CDH12: variants seen among roughly 807,000 people sequenced by gnomAD.
CDH12 encodes the protein cadherin-12.
In CDH12, 41 loss-of-function variants were observed where a neutral mutation model predicts 74.1. The ratio of observed to expected loss-of-function variants is 0.55; its 90% CI spans 0.43 to 0.72. The LOEUF (loss-of-function observed/expected upper bound fraction) is 0.72, where lower values mean the gene tolerates loss of function less well. CDH12 is among the 30% of genes least tolerant of loss of function. CDH12 has a pLI of 0.00. For missense variants in CDH12, 945 were observed against 977.2 expected (o/e 0.97, Z 0.44); for synonymous variants, 399 against 355.0 (o/e 1.12, Z -1.39).
intron 5 of CDH12, among the ~76,000 whole-genome samples, chr5:22,047,135 C>G (rs1413426163): frequency 1.3e-5 from 2 of 152,112 alleles, no homozygotes; most frequent in African/African-American, 4.8e-5. Context: ...CAGAGGTTAT[C>G]CTTGTCTATG....
intron 5 of CDH12, among the ~76,000 whole-genome samples, chr5:22,034,325 G>T (rs1282339029): frequency 6.6e-6 from 1 of 152,172 alleles, no homozygotes; most frequent in Non-Finnish European, 1.5e-5. Context: ...GTGAACCACT[G>T]CACCCAGTCT....
chr5:22,575,933 AG>A (rs968141857), intron 1 of CDH12, among the ~76,000 whole-genome samples: 3 of 151,848 alleles, frequency 2.0e-5, no homozygotes, highest in Non-Finnish European at 2.9e-5. Context: ...GGGTTTCTAC[AG>A]GCTGGTCTGA....
intron 4 of CDH12, among the ~76,000 whole-genome samples, chr5:22,208,626 C>A (rs1751359865): frequency 6.6e-6 from 1 of 152,172 alleles, no homozygotes; most frequent in Non-Finnish European, 1.5e-5. Context: ...TCACACAGAA[C>A]ATTTTTATTG....
At chr5:22,402,006 C>A (rs142793160) in intron 3 of CDH12, among the ~76,000 whole-genome samples, 3 of 152,174 alleles carry the variant, frequency 2.0e-5, no homozygotes, top group Admixed American at 2.0e-4. Context: ...TTCATTTTGG[C>A]CTTCTGGCCT....
intron 1 of CDH12, among the ~76,000 whole-genome samples, chr5:22,742,376 G>A (rs1254270302): frequency 6.6e-6 from 1 of 152,100 alleles, no homozygotes; most frequent in Non-Finnish European, 1.5e-5. Flanking sequence ...AAAACCAAGG[G>A]AGAATAGCAA....
chr5:22,145,687 G>A (rs528302504), intron 4 of CDH12, among the ~76,000 whole-genome samples: 1 of 152,242 alleles, frequency 6.6e-6, no homozygotes, highest in African/African-American at 2.4e-5. Flanking sequence ...ATTCAGTTAA[G>A]TATTTCATCT....
intron 6 of CDH12, among the ~76,000 whole-genome samples, chr5:21,916,770 G>A (rs1373169895): frequency 6.6e-6 from 1 of 152,154 alleles, no homozygotes; most frequent in East Asian, 1.9e-4. Flanking sequence ...CTAACACAGA[G>A]TCCAAGGAAT....
At chr5:22,714,158 C>T (rs1743444268) in intron 1 of CDH12, among the ~76,000 whole-genome samples, 1 of 152,184 alleles carries the variant, frequency 6.6e-6, no homozygotes, top group South Asian at 2.1e-4. Context: ...AGCAAAATTG[C>T]TTCTCCTCTT....
intron 1 of CDH12, among the ~76,000 whole-genome samples, chr5:22,572,368 G>T (rs985382752): frequency 1.3e-5 from 2 of 152,038 alleles, no homozygotes; most frequent in African/African-American, 4.8e-5. Context: ...AAATTTACCA[G>T]CATTAGTTAA....
intron 6 of CDH12, among the ~76,000 whole-genome samples, chr5:21,877,008 G>A (rs1365008269): frequency 6.6e-6 from 1 of 152,208 alleles, no homozygotes; most frequent in Non-Finnish European, 1.5e-5. Flanking sequence ...TTGGAGAACA[G>A]CCTGGCCAAC....
At chr5:22,537,651 C>T (rs1163931494) in intron 1 of CDH12, among the ~76,000 whole-genome samples, 1 of 152,126 alleles carries the variant, frequency 6.6e-6, no homozygotes, top group Non-Finnish European at 1.5e-5. Context: ...TCCAACCCCA[C>T]CATAAACTTC....
intron 1 of CDH12, among the ~76,000 whole-genome samples, chr5:22,837,462 G>A (rs529709502): frequency 4.6e-5 from 7 of 151,928 alleles, no homozygotes; most frequent in East Asian, 1.9e-4. Context: ...AGAAAAAATC[G>A]TATAATTAAA....
intron 3 of CDH12, among the ~76,000 whole-genome samples, chr5:22,266,229 C>T (rs1736097404): frequency 6.6e-6 from 1 of 152,060 alleles, no homozygotes; most frequent in Non-Finnish European, 1.5e-5. Flanking sequence ...GCACTCACCA[C>T]CACGACCGGC....
At chr5:21,778,491 A>AAAAAAAAAAAAAT in intron 11 of CDH12, among the ~76,000 whole-genome samples, 1 of 128,510 alleles carries the variant, frequency 7.8e-6, no homozygotes, top group Non-Finnish European at 1.7e-5. Context: ...AAAAAAAAAA[A>AAAAAAAAAAAAAT]CTTCAGACGA....
At chr5:22,360,433 T>C (rs536346820) in intron 3 of CDH12, among the ~76,000 whole-genome samples, 1 of 152,220 alleles carries the variant, frequency 6.6e-6, no homozygotes, top group Non-Finnish European at 1.5e-5. Context: ...ATTGAGGCAA[T>C]AATTAATAAC....
chr5:22,809,078 C>T (rs934564617), intron 1 of CDH12, among the ~76,000 whole-genome samples: 7 of 150,650 alleles, frequency 4.6e-5, no homozygotes, highest in Non-Finnish European at 8.9e-5. Flanking sequence ...ATTCAAAGTT[C>T]GTTGAAGGCA....
intron 1 of CDH12, among the ~76,000 whole-genome samples, chr5:22,506,018 A>ACTGG (rs1736374760): frequency 6.6e-6 from 1 of 152,074 alleles, no homozygotes; most frequent in Non-Finnish European, 1.5e-5. Context: ...TGGTCAGCCG[A>ACTGG]CTGGAGTCCT....
At chr5:22,673,344 A>T (rs991850264) in intron 1 of CDH12, among the ~76,000 whole-genome samples, 1 of 152,182 alleles carries the variant, frequency 6.6e-6, no homozygotes, top group African/African-American at 2.4e-5. Context: ...TACTTAATGA[A>T]TATAAACTAT....
At chr5:21,812,916 A>C (rs1747829921) in intron 9 of CDH12, among the ~76,000 whole-genome samples, 1 of 152,172 alleles carries the variant, frequency 6.6e-6, no homozygotes, top group African/African-American at 2.4e-5. Context: ...ACACTGAAAG[A>C]AAATCCATGT....
Sources: allele counts gnomAD v4.1 joint callset (sites outside exome capture counted in the v4.1 genomes callset), GRCh38; gene constraint gnomAD v4.1.1; transcripts MANE v1.5; gene names NCBI Gene and HGNC (gene_info 2026-07-23, HGNC 2026-07-21).